The following PTPRE variants were observed in gnomAD, a reference collection of about 807,000 sequenced individuals.
PTPRE encodes protein tyrosine phosphatase receptor type E, also known as receptor-type tyrosine-protein phosphatase epsilon.
A neutral mutation model predicts 102.0 loss-of-function variants in PTPRE; 51 were observed. The observed-to-expected ratio is 0.50, with a 90% CI of 0.40 to 0.63. The LOEUF (loss-of-function observed/expected upper bound fraction) is 0.63. Ranked by LOEUF, PTPRE falls within the 30% of genes least tolerant of loss-of-function variation. PTPRE has a pLI of 0.00. For synonymous variants in PTPRE, 345 were observed against 348.2 expected, an observed-to-expected ratio of 0.99 and a Z score of 0.10; for missense variants, 752 against 915.1, an observed-to-expected ratio of 0.82 and a Z score of 2.30.
chr10:127,936,329 G>A (rs1378646698), intron 1 of PTPRE, among the ~76,000 whole-genome samples: 1 of 151,940 alleles, frequency 6.6e-6, no homozygotes, highest in Admixed American at 6.5e-5. Context: ...TATGGATTTG[G>A]GGGCTGGTTT....
intron 1 of PTPRE, among the ~76,000 whole-genome samples, chr10:127,916,752 A>G (rs377027934): frequency 3.9e-5 from 6 of 152,186 alleles, no homozygotes; most frequent in South Asian, 2.1e-4. Context: ...TTTGTACACC[A>G]TCCAGGAGTC....
chr10:127,988,405 A>G (rs1343507778), intron 2 of PTPRE, among the ~76,000 whole-genome samples: 2 of 148,744 alleles, frequency 1.3e-5, no homozygotes, highest in Non-Finnish European at 3.0e-5. Flanking sequence ...TCCAGGGTTC[A>G]AGCGATTCTC....
chr10:128,043,333 C>T (rs1424875408), intron 3 of PTPRE, among the ~76,000 whole-genome samples: 2 of 152,194 alleles, frequency 1.3e-5, no homozygotes, highest in East Asian at 3.8e-4. Flanking sequence ...GATCACCAGG[C>T]ATCAGGTTCT....
At chr10:127,952,944 C>T (rs948410112) in intron 1 of PTPRE, among the ~76,000 whole-genome samples, 5 of 152,192 alleles carry the variant, frequency 3.3e-5, no homozygotes, top group Non-Finnish European at 7.3e-5. Context: ...GTGCCTCCTA[C>T]CTCAGTGAAA....
At chr10:128,076,001 C>T (rs186951647) in intron 17 of PTPRE, among the ~76,000 whole-genome samples, 8 of 152,258 alleles carry the variant, frequency 5.3e-5, no homozygotes, top group Admixed American at 5.2e-4. Flanking sequence ...TGTCTTTTCA[C>T]TCTGTTAATG....
chr10:128,035,498 C>A (rs1377599906), intron 2 of PTPRE, among the ~76,000 whole-genome samples: 1 of 152,192 alleles, frequency 6.6e-6, no homozygotes, highest in East Asian at 1.9e-4. Context: ...TTACATGGGA[C>A]CCATTCCAGG....
intron 5 of PTPRE, among the ~76,000 whole-genome samples, chr10:128,048,653 G>A (rs929932773): frequency 3.3e-5 from 5 of 152,092 alleles, no homozygotes; most frequent in South Asian, 2.1e-4. Flanking sequence ...TCCTGCCCTC[G>A]TTCCAGTCCC....
intron 2 of PTPRE, among the ~76,000 whole-genome samples, chr10:128,002,032 G>T (rs536483900): frequency 1.3e-5 from 2 of 152,152 alleles, no homozygotes; most frequent in Non-Finnish European, 2.9e-5. Flanking sequence ...GGCTCTGCTC[G>T]TACTTGGTAG....
intron 1 of PTPRE, among the ~76,000 whole-genome samples, chr10:127,909,873 A>T (rs760689409): frequency 1.3e-5 from 2 of 152,116 alleles, no homozygotes; most frequent in Non-Finnish European, 2.9e-5. Context: ...GCCGATGTGG[A>T]TGGGCATGGT....
chr10:128,065,954 C>T (rs891316320), intron 10 of PTPRE, 121 bp from the exon 11 acceptor site: 17 of 1,439,112 alleles, frequency 1.2e-5, no homozygotes, highest in Non-Finnish European at 1.5e-5. Flanking sequence ...ACTTGTTTCT[C>T]AGCTGTGGGA....
At chr10:128,082,015 G>GC (rs1851750033) in intron 20 of PTPRE, among the ~76,000 whole-genome samples, 3 of 152,156 alleles carry the variant, frequency 2.0e-5, no homozygotes, top group Admixed American at 6.5e-5. Flanking sequence ...CCCTGTCCCG[G>GC]CCCCAAACTC....
chr10:128,077,239 G>T, intron 18 of PTPRE, among the ~76,000 whole-genome samples: 2 of 152,234 alleles, frequency 1.3e-5, no homozygotes, highest in Middle Eastern at 6.8e-3. Flanking sequence ...GAGCCACCCT[G>T]GCCACCAGAC....
intron 2 of PTPRE, among the ~76,000 whole-genome samples, chr10:128,034,325 A>G (rs61186345): frequency 5.6e-4 from 83 of 147,092 alleles, no homozygotes; most frequent in African/African-American, 2.0e-3. Context: ...CCTCCACACC[A>G]CCCCCCCCAC....
chr10:127,994,035 G>C (rs1852987738), intron 2 of PTPRE, among the ~76,000 whole-genome samples: 1 of 152,200 alleles, frequency 6.6e-6, no homozygotes. Context: ...TGCCCCACCA[G>C]AGTTCCCTCA....
intron 15 of PTPRE, 160 bp downstream of exon 15, chr10:128,071,061 G>A (rs770364659): frequency 1.6e-5 from 11 of 680,776 alleles, no homozygotes; most frequent in Non-Finnish European, 2.7e-5. Flanking sequence ...TGTACCAAAT[G>A]TCAGGTAGAA....
chr10:128,069,755 G>A lies in PTPRE; in HGVS notation c.1071G>A (p.Ala357=), dbSNP rs770427737. The A allele has an allele frequency of 2.2e-5, 36 of 1,614,066 alleles. No individual in the cohort carries two copies. Among genetic ancestry groups the A allele is most frequent in the South Asian group, 5.5e-5 (5 of 91,082 alleles). ...ATGCCATGATGGCCATGATGCACGC[G>A]GAGCAGAAGGTGGATGTGTTTGAAT... ...VIDAMMAMMH[A]EQKVDVFEFV... is the part of the protein sequence containing the mutation. Residue 357 remains alanine (A), a synonymous_variant, in exon 13 of 21, where the codon GCG becomes GCA. Coordinates refer to ENST00000254667, the MANE Select transcript of PTPRE (RefSeq NM_006504.6).
chr10:128,056,718 G>C (rs138626512), intron 7 of PTPRE, among the ~76,000 whole-genome samples: 1 of 152,112 alleles, frequency 6.6e-6, no homozygotes, highest in Non-Finnish European at 1.5e-5. Context: ...GCTCTGAATC[G>C]ACCTGATTTA....
intron 6 of PTPRE, among the ~76,000 whole-genome samples, chr10:128,052,068 T>C (rs1374091582): frequency 1.3e-5 from 2 of 152,196 alleles, no homozygotes. Flanking sequence ...CCCACTGTGA[T>C]GTCCAGGCTG....
intron 2 of PTPRE, among the ~76,000 whole-genome samples, chr10:128,004,422 C>T (rs953230969): frequency 1.3e-5 from 2 of 152,122 alleles, no homozygotes; most frequent in Non-Finnish European, 2.9e-5. Flanking sequence ...CTCCATTTCC[C>T]CCTTCTCCCA....
Sources: gnomAD v4.1 joint callset for allele counts (sites outside exome capture counted in the v4.1 genomes callset) on GRCh38, gnomAD v4.1.1 for gene constraint, MANE v1.5 for transcripts, NCBI Gene and HGNC (gene_info 2026-07-23, HGNC 2026-07-21) for gene names.